CAST: variants seen among roughly 807,000 people sequenced by gnomAD.
CAST encodes the protein calpastatin, also known as MIR583 host.
In CAST, 76 loss-of-function variants were observed where a neutral mutation model predicts 119.6. That is an observed-to-expected ratio of 0.64 (90% confidence interval 0.53 to 0.77). The LOEUF is 0.77. Among genes scored for constraint, CAST ranks in the 30% least tolerant of loss-of-function variants. The pLI, the probability that CAST is intolerant of heterozygous loss-of-function variation, is 0.00. For synonymous variants in CAST, 319 were observed against 331.6 expected (o/e 0.96, Z 0.41); for missense variants, 953 against 946.5 (o/e 1.01, Z -0.09).
At chr5:95,994,010 C>T in the CAST span, among the ~76,000 whole-genome samples, 1 of 151,840 alleles carries the variant, frequency 6.6e-6, no homozygotes, top group Non-Finnish European at 1.5e-5. Context: ...AATTAAAAGC[C>T]TGGCAATCTC....
At chr5:96,672,334 G>T (rs75455039) in intron 1 of CAST, among the ~76,000 whole-genome samples, 3 of 151,800 alleles carry the variant, frequency 2.0e-5, no homozygotes, top group African/African-American at 4.8e-5. Flanking sequence ...AAATCTGAGC[G>T]GGGGGAATAT....
the CAST span, among the ~76,000 whole-genome samples, chr5:96,183,131 ACT>A: frequency 6.7e-6 from 1 of 149,082 alleles, no homozygotes; most frequent in Non-Finnish European, 1.5e-5. Flanking sequence ...ACAGAACAAG[ACT>A]CTGTCTCAAA....
chr5:96,664,654 T>C (rs1255019594), intron 1 of CAST, among the ~76,000 whole-genome samples: 4 of 152,228 alleles, frequency 2.6e-5, no homozygotes, highest in Non-Finnish European at 5.9e-5. Flanking sequence ...TGTTTTCACA[T>C]GTGTAAAATA....
intron 10 of CAST, 29 bp from the exon 11 acceptor site, chr5:96,737,820 C>A: frequency 1.6e-6 from 2 of 1,269,412 alleles, no homozygotes; most frequent in Non-Finnish European, 2.3e-6. Flanking sequence ...TAACAAATAA[C>A]ATTTAAATAT....
At chr5:95,984,048 C>T in the CAST span, among the ~76,000 whole-genome samples, 1 of 152,152 alleles carries the variant, frequency 6.6e-6, no homozygotes, top group Non-Finnish European at 1.5e-5. Flanking sequence ...ATGCCAGAGT[C>T]TCTGATAATG....
At chr5:96,334,443 C>T in the CAST span, among the ~76,000 whole-genome samples, 1 of 152,172 alleles carries the variant, frequency 6.6e-6, no homozygotes, top group African/African-American at 2.4e-5. Context: ...TACTGGGAAA[C>T]TCAGGACCCT....
At chr5:96,105,130 T>G in the CAST span, among the ~76,000 whole-genome samples, 2 of 144,272 alleles carry the variant, frequency 1.4e-5, no homozygotes, top group East Asian at 4.0e-4. Context: ...TTAAGGAGAT[T>G]TTGGGCTGAG....
the CAST span, among the ~76,000 whole-genome samples, chr5:96,122,302 C>G: frequency 6.6e-6 from 1 of 152,130 alleles, no homozygotes; most frequent in African/African-American, 2.4e-5. Flanking sequence ...TGAGAGAATA[C>G]TTCTTGTGTT....
the CAST span, among the ~76,000 whole-genome samples, chr5:96,499,776 G>T: frequency 3.9e-5 from 6 of 152,138 alleles, no homozygotes; most frequent in Admixed American, 3.3e-4. Flanking sequence ...TAAATCCTTT[G>T]TTGCCATTTC....
At chr5:96,321,794 C>T in the CAST span, among the ~76,000 whole-genome samples, 1 of 152,196 alleles carries the variant, frequency 6.6e-6, no homozygotes, top group Non-Finnish European at 1.5e-5. Flanking sequence ...GCATGACATA[C>T]AGATGTCCTG....
chr5:96,298,990 A>C, the CAST span, among the ~76,000 whole-genome samples: 1 of 152,026 alleles, frequency 6.6e-6, no homozygotes, highest in Non-Finnish European at 1.5e-5. Flanking sequence ...CTGTAATCCC[A>C]GCACTTTGGG....
chr5:96,763,067 C>A (rs1406880427), intron 25 of CAST: 2 of 767,170 alleles, frequency 2.6e-6, no homozygotes, highest in Non-Finnish European at 4.8e-6. Context: ...ATCCCCATCT[C>A]CTTTGGTTGA....
chr5:96,311,229 G>A, the CAST span, among the ~76,000 whole-genome samples: 1 of 151,928 alleles, frequency 6.6e-6, no homozygotes, highest in African/African-American at 2.4e-5. Context: ...ATATATTAAT[G>A]AGTTTTCCTA....
intron 1 of CAST, among the ~76,000 whole-genome samples, chr5:96,664,167 T>C (rs1748985566): frequency 6.6e-6 from 1 of 152,214 alleles, no homozygotes; most frequent in Non-Finnish European, 1.5e-5. Flanking sequence ...TGGACATTTA[T>C]TGATCATCTA....
At chr5:96,263,668 A>G in the CAST span, among the ~76,000 whole-genome samples, 1 of 152,170 alleles carries the variant, frequency 6.6e-6, no homozygotes, top group African/African-American at 2.4e-5. Flanking sequence ...TTAACTACTT[A>G]TATGTACTGT....
chr5:96,246,677 T>A, the CAST span, among the ~76,000 whole-genome samples: 3 of 152,314 alleles, frequency 2.0e-5, no homozygotes, highest in African/African-American at 7.2e-5. Flanking sequence ...TACATCTACC[T>A]TTTTAAGTCT....
At chr5:96,239,077 G>T in the CAST span, among the ~76,000 whole-genome samples, 1 of 151,942 alleles carries the variant, frequency 6.6e-6, no homozygotes, top group Non-Finnish European at 1.5e-5. Flanking sequence ...GGCACCATTG[G>T]CTATAATTAA....
chr5:96,430,854 A>G, the CAST span, among the ~76,000 whole-genome samples: 3 of 152,204 alleles, frequency 2.0e-5, no homozygotes, highest in African/African-American at 7.2e-5. Flanking sequence ...TGACTATGCT[A>G]TCCCTTACTC....
the CAST span, among the ~76,000 whole-genome samples, chr5:96,366,570 C>T: frequency 6.6e-6 from 1 of 152,184 alleles, no homozygotes; most frequent in Non-Finnish European, 1.5e-5. Context: ...CACTTCATTT[C>T]ATTCATTTGA....
Sources: gnomAD v4.1 joint callset for allele counts (sites outside exome capture counted in the v4.1 genomes callset) on GRCh38, gnomAD v4.1.1 for gene constraint, MANE v1.5 for transcripts, NCBI Gene and HGNC (gene_info 2026-07-23, HGNC 2026-07-21) for gene names.